Variants in SPESP1 observed in about 807,000 individuals in gnomAD.
SPESP1 encodes the protein equatorial segment protein.
In SPESP1, 1 loss-of-function variant was observed where a neutral mutation model predicts 3.1. The observed-to-expected ratio is 0.33, with a 90% CI of 0.12 to 1.54. The LOEUF is 1.54. Among genes scored for constraint, SPESP1 ranks in the 40% most tolerant of loss-of-function variants. The probability of loss-of-function intolerance (pLI) is 0.38; values close to 1 mark genes in which losing one functional copy is unlikely to be tolerated. For missense variants in SPESP1, 398 were observed against 410.1 expected (o/e 0.97, Z 0.26); for synonymous variants, 138 against 150.7 (o/e 0.92, Z 0.62).
Position 68,938,147 on chromosome 15 carries a change from AT to A in SPESP1, c.64+7435del, listed in dbSNP as rs1456813134. Reference sequence around the variant, plus strand: ...AGGTGCATGTCACCATGCCCAGTTAATTTTTGTATTTTTAGTAGAGATGAGA... The same window carrying A: ...AGGTGCATGTCACCATGCCCAGTTAATTTTGTATTTTTAGTAGAGATGAGA... On this transcript the variant is annotated intron_variant, in intron 1 of 1. Transcript: ENST00000310673. Among the ~76,000 whole-genome samples, 7 of 152,006 alleles carry A rather than the reference AT, an allele frequency of 4.6e-5. No homozygotes were observed. The South Asian group carries it at 1.5e-3, about 32-fold the overall frequency.
chr15:68,930,664 T>C lies in SPESP1; in HGVS notation c.11T>C (p.Leu4Ser), dbSNP rs763290211. The change falls in exon 1 of 2, where the codon TTA becomes TCA. Residue 4 changes from leucine (L) to serine (S), a missense_variant. Coordinates refer to ENST00000310673, the MANE Select transcript of SPESP1 (RefSeq NM_145658.4). ...CTACGGACGACGCCTATGAAGCCCTTAGTCCTTCTAGTTGCGCTTTTGCTA... is the reference window on the plus strand; with the variant it reads ...CTACGGACGACGCCTATGAAGCCCTCAGTCCTTCTAGTTGCGCTTTTGCTA... The part of the protein sequence containing the change: MKP[L>S]VLLVALLLWP... The C allele has an allele frequency of 2.7e-5, 43 of 1,613,928 alleles. No homozygotes were observed. In the East Asian group the frequency reaches 9.6e-4, roughly 36 times the overall value.
chr15:68,942,538 G>GT (rs1895854026), intron 1 of SPESP1, among the ~76,000 whole-genome samples: 1 of 151,988 alleles, frequency 6.6e-6, no homozygotes, highest in African/African-American at 2.4e-5. Flanking sequence ...AGCTTCTACT[G>GT]TTTCCCACTA....
intron 1 of SPESP1, among the ~76,000 whole-genome samples, chr15:68,941,706 A>G (rs1465271576): frequency 1.3e-5 from 2 of 152,230 alleles, no homozygotes; most frequent in East Asian, 3.8e-4. Flanking sequence ...CATGTCAAGA[A>G]ACTTAATTTA....
intron 1 of SPESP1, among the ~76,000 whole-genome samples, chr15:68,939,211 G>T (rs1270613144): frequency 6.6e-6 from 1 of 152,142 alleles, no homozygotes; most frequent in Non-Finnish European, 1.5e-5. Flanking sequence ...CCAAGCTGAA[G>T]ATTCTTACCT....
chr15:68,930,892 G>T (rs1320857612), intron 1 of SPESP1, among the ~76,000 whole-genome samples, 175 bp downstream of exon 1: 1 of 152,056 alleles, frequency 6.6e-6, no homozygotes, highest in Non-Finnish European at 1.5e-5. Flanking sequence ...CCTGGTCAGG[G>T]AACGCAGCAA....
intron 1 of SPESP1, among the ~76,000 whole-genome samples, 163 bp downstream of exon 1, chr15:68,930,880 C>T (rs571393317): frequency 6.6e-6 from 1 of 152,122 alleles, no homozygotes; most frequent in African/African-American, 2.4e-5. Context: ...TCCCTCTCCT[C>T]TCCTGGTCAG....
Position 68,930,708 on chromosome 15 carries a change from G to T in SPESP1, c.55G>T (p.Ala19Ser). 6.2e-7 allele frequency: 1 copy of T among 1,613,968 alleles called. No homozygotes were observed. Among genetic ancestry groups the T allele is most frequent in the African/African-American group, 1.3e-5 (1 of 75,058 alleles). ...TTTGCTATGGCCTTCGTCTGTGCCG[G>T]CTTATCCGAGTGAGTGACGGGCCTG... is the stretch of plus-strand genomic sequence containing the variant. ...ALLLWPSSVP[A>S]YPSITVTPDE... Residue 19 changes from alanine (A) to serine (S), a missense_variant, in exon 1 of 2, where the codon GCT (alanine) becomes TCT (serine). Physicochemically the swap from Ala to Ser is moderately conservative, Grantham distance 99. Coordinates refer to ENST00000310673, the MANE Select transcript of SPESP1 (RefSeq NM_145658.4).
chr15:68,931,943 A>T (rs914854304), intron 1 of SPESP1, among the ~76,000 whole-genome samples: 3 of 152,222 alleles, frequency 2.0e-5, no homozygotes, highest in Non-Finnish European at 4.4e-5. Context: ...TTGCTAAACG[A>T]TCTTAGTTAA....
rs1289284035 is a variant in SPESP1 at position 68,930,718 on chromosome 15, G to C, written c.64+1G>C. The C allele has an allele frequency of 6.2e-7, 1 of 1,613,864 alleles. No homozygotes were observed. The highest frequency in any genetic ancestry group is 8.5e-7 in the Non-Finnish European group (1 of 1,179,880). ...CCTTCGTCTGTGCCGGCTTATCCGAGTGAGTGACGGGCCTGAGGAGGCAGC... is the reference window on the plus strand; with the variant it reads ...CCTTCGTCTGTGCCGGCTTATCCGACTGAGTGACGGGCCTGAGGAGGCAGC... On this transcript the variant is annotated splice_donor_variant, in intron 1 of 1. Transcript: ENST00000310673. LOFTEE classifies it high-confidence loss of function.
At chr15:68,933,655 T>C (rs1030767486) in intron 1 of SPESP1, among the ~76,000 whole-genome samples, 4 of 151,688 alleles carry the variant, frequency 2.6e-5, no homozygotes, top group Admixed American at 2.6e-4. Flanking sequence ...GCCCAGAAAT[T>C]CAAGACCAGG....
rs994471444 is a variant in SPESP1 at position 68,946,771 on chromosome 15, T to C, written c.*184T>C. The C allele has an allele frequency of 4.1e-6, 3 of 732,638 alleles. No individual in the cohort carries two copies. The highest frequency in any genetic ancestry group is 5.6e-6 in the Non-Finnish European group (3 of 539,868). 45.4% of individuals were successfully genotyped at this position (732,638 alleles called of 1,614,324 possible). A position where few individuals can be genotyped will look rare whatever the true frequency, so the allele number is the denominator to read the frequency against. Reference sequence around the variant, plus strand: ...TCATGTGTTATGAACAATTTTCATATGCACTAAAAACCTAATTTAAAATAA... The same window carrying C: ...TCATGTGTTATGAACAATTTTCATACGCACTAAAAACCTAATTTAAAATAA... On this transcript the variant is annotated 3_prime_UTR_variant, in exon 2 of 2. Coordinates refer to ENST00000310673, the MANE Select transcript of SPESP1 (RefSeq NM_145658.4).
chr15:68,946,650 G>C lies in SPESP1; in HGVS notation c.*63G>C, dbSNP rs1187282919. 1.5e-6 allele frequency: 2 copies of C among 1,325,454 alleles called. No individual in the cohort carries two copies. Among genetic ancestry groups the C allele is most frequent in the African/African-American group, 3.0e-5 (2 of 65,966 alleles). 82.1% of individuals were successfully genotyped at this position (1,325,454 alleles called of 1,614,324 possible). On this transcript the variant is annotated 3_prime_UTR_variant, in exon 2 of 2. Transcript: ENST00000310673. ...ATAACAAAGCTGATTTAAGCAAACT[G>C]CATTTTTTCACAGGAGAAATAATCA... is the stretch of plus-strand genomic sequence containing the variant.
chr15:68,934,778 G>C (rs1257699821), intron 1 of SPESP1, among the ~76,000 whole-genome samples: 2 of 149,606 alleles, frequency 1.3e-5, no homozygotes, highest in Non-Finnish European at 3.0e-5. Flanking sequence ...TTTTTTTTTA[G>C]TATCACTATA....
In SPESP1 at chr15:68,946,408, A is replaced by G. The variant is rs199570896; in HGVS notation, c.874A>G (p.Lys292Glu). Residue 292 changes from lysine (K) to glutamate (E), a missense_variant, in exon 2 of 2, where the codon AAA becomes GAA. Transcript: ENST00000310673. The part of the protein sequence containing the change: ...QLLPVGRTSN[K>E]IDDIETVINM... ...ATTGCCAGTAGGACGAACAAGTAAT[A>G]AAATTGATGACATCGAAACTGTTAT... is the stretch of plus-strand genomic sequence containing the variant. 3.1e-6 allele frequency: 5 copies of G among 1,614,108 alleles called. No individual in the cohort carries two copies. The highest frequency in any genetic ancestry group is 4.2e-6 in the Non-Finnish European group (5 of 1,179,998).
intron 1 of SPESP1, among the ~76,000 whole-genome samples, chr15:68,933,413 A>C (rs975990089): frequency 1.5e-4 from 23 of 152,160 alleles, no homozygotes; most frequent in Non-Finnish European, 2.9e-5. Flanking sequence ...TTATACATTC[A>C]GTTTCCTCTA....
intron 1 of SPESP1, among the ~76,000 whole-genome samples, chr15:68,934,120 C>G (rs183236344): frequency 6.6e-6 from 1 of 151,780 alleles, no homozygotes; most frequent in African/African-American, 2.4e-5. Flanking sequence ...TGGGGTATCT[C>G]CCAAATAAAT....
Position 68,940,099 on chromosome 15 carries a change from A to T in SPESP1, c.65-5500A>T, listed in dbSNP as rs185989317. Reference sequence around the variant, plus strand: ...ATTACATAATCTCCACATATTTATAATAGCTTCAGTTATTATTACTATTAT... The same window carrying T: ...ATTACATAATCTCCACATATTTATATTAGCTTCAGTTATTATTACTATTAT... On this transcript the variant is annotated intron_variant, in intron 1 of 1. Coordinates refer to ENST00000310673, the MANE Select transcript of SPESP1 (RefSeq NM_145658.4). Among the ~76,000 whole-genome samples, 18 of 152,316 alleles carry T rather than the reference A, an allele frequency of 1.2e-4. No individual in the cohort carries two copies. In the East Asian group the frequency reaches 2.9e-3, roughly 24 times the overall value.
chr15:68,939,707 C>G (rs1895769507), intron 1 of SPESP1: 1 of 152,130 alleles, frequency 6.6e-6, no homozygotes. Flanking sequence ...CACTCTGTTG[C>G]TAGGCAGCCA....
At chr15:68,940,862 G>T (rs930642197) in intron 1 of SPESP1, among the ~76,000 whole-genome samples, 1 of 150,900 alleles carries the variant, frequency 6.6e-6, no homozygotes, top group African/African-American at 2.4e-5. Flanking sequence ...CATAGCCATA[G>T]AAAATTATTG....
Sources: gnomAD v4.1 joint callset for allele counts (sites outside exome capture counted in the v4.1 genomes callset) on GRCh38, gnomAD v4.1.1 for gene constraint, MANE v1.5 for transcripts, NCBI Gene and HGNC (gene_info 2026-07-23, HGNC 2026-07-21) for gene names.